Variants in VEZT observed in about 807,000 individuals in gnomAD.
VEZT encodes vezatin, adherens junctions transmembrane protein.
In VEZT, 39 loss-of-function variants were observed where a neutral mutation model predicts 79.9. The ratio of observed to expected loss-of-function variants is 0.49; its 90% CI spans 0.38 to 0.64. VEZT has a LOEUF of 0.64. VEZT is among the 30% of genes least tolerant of loss of function. The probability of loss-of-function intolerance (pLI) is 0.00; values close to 1 mark genes in which losing one functional copy is unlikely to be tolerated. For synonymous variants in VEZT, 325 were observed against 327.6 expected (o/e 0.99, Z 0.09); for missense variants, 837 against 893.1 (o/e 0.94, Z 0.80).
At chr12:95,260,643 A>G (rs1284725956) in intron 3 of VEZT, among the ~76,000 whole-genome samples, 1 of 152,192 alleles carries the variant, frequency 6.6e-6, no homozygotes, top group Non-Finnish European at 1.5e-5. Context: ...GGCTTCTTCA[A>G]ACTTACCTTA....
intron 8 of VEZT, among the ~76,000 whole-genome samples, chr12:95,285,392 C>T (rs1310679494): frequency 2.0e-5 from 3 of 151,744 alleles, no homozygotes; most frequent in Non-Finnish European, 4.4e-5. Context: ...TGCAGTGAGC[C>T]GAAATCACAC....
chr12:95,280,479 TACAC>T (rs34219058), intron 7 of VEZT, among the ~76,000 whole-genome samples: 84 of 117,854 alleles, frequency 7.1e-4, no homozygotes, highest in South Asian at 9.4e-4. Context: ...TACACACACA[TACAC>T]ACACACACAC....
At chr12:95,277,772 A>G (rs556356237) in intron 7 of VEZT, among the ~76,000 whole-genome samples, 11 of 152,376 alleles carry the variant, frequency 7.2e-5, no homozygotes, top group African/African-American at 2.6e-4. Context: ...AAATGAGAAG[A>G]CATATTAAAT....
chr12:95,268,221 C>T (rs991017595), intron 5 of VEZT, among the ~76,000 whole-genome samples: 3 of 152,122 alleles, frequency 2.0e-5, no homozygotes, highest in African/African-American at 2.4e-5. Context: ...TCCGGCCGGG[C>T]ACGGTGGCCC....
chr12:95,282,417 A>G lies in VEZT; in HGVS notation c.1101A>G (p.Ala367=), dbSNP rs1417412213. ...NSPPGPLLTP[A]LLPHRILSDV... is the part of the protein sequence containing the mutation. ...CTCCTGGGCCCTTACTTACTCCAGC[A>G]CTTCTGCCTCATCGTATCTTATCTG... The change falls in exon 8 of 12, where the codon GCA becomes GCG. Residue 367 remains alanine, a synonymous_variant. Coordinates refer to ENST00000436874, the MANE Select transcript of VEZT (RefSeq NM_017599.4). The G allele has an allele frequency of 1.2e-6, 2 of 1,613,900 alleles. No individual in the cohort carries two copies. Among genetic ancestry groups the G allele is most frequent in the Non-Finnish European group, 1.7e-6 (2 of 1,179,882 alleles).
At chr12:95,269,848 A>C in intron 5 of VEZT, 1 of 473,682 alleles carries the variant, frequency 2.1e-6, no homozygotes, top group Admixed American at 4.0e-5. Context: ...GTGGTTGTCT[A>C]TATATACATA....
At position 95,300,372 on chromosome 12, in the gene VEZT, A is replaced by G. The variant is rs764599226; in HGVS notation, c.2039A>G (p.Glu680Gly). ...AAAAATAAAGATAATTCTTCAAATG[A>G]AGTCTTCCCCCAAGGAGCAGAAGAA... ...EGKNKDNSSNEVFPQGAEERM... is the reference protein window; with the variant it reads ...EGKNKDNSSNGVFPQGAEERM... The change falls in exon 12 of 12, where the codon GAA becomes GGA. Residue 680 changes from glutamate (E) to glycine (G), a missense_variant. By Grantham distance (98) the Glu-to-Gly change is moderately conservative. Coordinates refer to ENST00000436874, the MANE Select transcript of VEZT (RefSeq NM_017599.4). 1 of 1,613,812 alleles carries G rather than the reference A, an allele frequency of 6.2e-7. No homozygotes were observed. The highest frequency in any genetic ancestry group is 1.7e-5 in the Admixed American group (1 of 59,978).
chr12:95,234,501 T>G (rs2059730352), intron 1 of VEZT, among the ~76,000 whole-genome samples: 1 of 151,848 alleles, frequency 6.6e-6, no homozygotes, highest in Non-Finnish European at 1.5e-5. Flanking sequence ...TCCATGGTGG[T>G]CAGGCTGGGT....
At chr12:95,253,518 G>A (rs758099712) in intron 2 of VEZT, among the ~76,000 whole-genome samples, 1 of 152,284 alleles carries the variant, frequency 6.6e-6, no homozygotes, top group East Asian at 1.9e-4. Context: ...GAAGTGGTTT[G>A]TATATAATAG....
intron 1 of VEZT, chr12:95,245,457 CAGA>C: frequency 2.2e-6 from 1 of 454,576 alleles, no homozygotes; most frequent in Non-Finnish European, 4.4e-6. Flanking sequence ...GTGGTTTTAT[CAGA>C]AGTATTACAA....
chr12:95,235,922 C>T (rs1359145156), intron 1 of VEZT, among the ~76,000 whole-genome samples: 2 of 151,796 alleles, frequency 1.3e-5, no homozygotes, highest in African/African-American at 4.8e-5. Context: ...AGAGACGCTC[C>T]TCACTTCCTA....
At position 95,217,831 on chromosome 12, in the gene VEZT, G is replaced by C; in HGVS notation, c.-20G>C. 1 of 1,545,224 alleles carries C rather than the reference G, an allele frequency of 6.5e-7. No homozygotes were observed. The highest frequency in any genetic ancestry group is 8.7e-7 in the Non-Finnish European group (1 of 1,150,860). On this transcript the variant is annotated 5_prime_UTR_variant, in exon 1 of 12. Transcript: ENST00000436874. ...CCTTCATTTCCCATCGTGCTGAGGC[G>C]GGTGGCATGGCGGAGAAGGATGACA...
At chr12:95,289,725 A>T (rs1239799884) in intron 9 of VEZT, among the ~76,000 whole-genome samples, 1 of 152,370 alleles carries the variant, frequency 6.6e-6, no homozygotes, top group Non-Finnish European at 1.5e-5. Flanking sequence ...GTTCATTTGA[A>T]TATTTTAAGA....
At chr12:95,220,076 C>T (rs2057339379) in intron 1 of VEZT, among the ~76,000 whole-genome samples, 1 of 152,100 alleles carries the variant, frequency 6.6e-6, no homozygotes, top group South Asian at 2.1e-4. Context: ...GTATAATTTA[C>T]ATAAGGACAG....
chr12:95,229,727 C>A (rs1179276159), intron 1 of VEZT, among the ~76,000 whole-genome samples: 1 of 152,116 alleles, frequency 6.6e-6, no homozygotes, highest in East Asian at 1.9e-4. Flanking sequence ...AGAAGCAAAT[C>A]ATGCCTTAAG....
At position 95,257,192 on chromosome 12, in the gene VEZT, A is replaced by G; in HGVS notation, c.211A>G (p.Ile71Val). ...AGTGGCTGAAACCATCAAAAGTTGGATTTTTTTTTCTCAGTGCAATAAGAA... is the reference window on the plus strand; with the variant it reads ...AGTGGCTGAAACCATCAAAAGTTGGGTTTTTTTTTCTCAGTGCAATAAGAA... ...LKVAETIKSW[I>V]FFSQCNKKDD... The change falls in exon 3 of 12, where the codon ATT (isoleucine) becomes GTT (valine). Residue 71 changes from isoleucine (I) to valine (V), a missense_variant. By Grantham distance (29) the Ile-to-Val change is conservative (BLOSUM62 3). Coordinates refer to ENST00000436874, the MANE Select transcript of VEZT (RefSeq NM_017599.4). The G allele has an allele frequency of 6.2e-7, 1 of 1,606,590 alleles. No homozygotes were observed. Among genetic ancestry groups the G allele is most frequent in the Non-Finnish European group, 8.5e-7 (1 of 1,175,660 alleles).
chr12:95,235,873 A>G lies in VEZT; in HGVS notation c.37-16067A>G, dbSNP rs1266423143. The stretch of plus-strand genomic sequence containing the variant: ...CACATCCCAGACGGGGTGGCAGGGC[A>G]GAGGCGCTCCCCACATCTCAGACGA... On this transcript the variant is annotated intron_variant, in intron 1 of 11. Coordinates refer to ENST00000436874, the MANE Select transcript of VEZT (RefSeq NM_017599.4). Among the ~76,000 whole-genome samples the G allele has an allele frequency of 2.0e-5, 3 of 148,758 alleles. No homozygotes were observed. The East Asian group carries it at 6.0e-4, about 30-fold the overall frequency.
chr12:95,250,286 T>A (rs1254439387), intron 1 of VEZT, among the ~76,000 whole-genome samples: 1 of 137,682 alleles, frequency 7.3e-6, no homozygotes, highest in Non-Finnish European at 1.6e-5. Flanking sequence ...TTTATTATTT[T>A]TTTTTTTAAT....
At position 95,262,859 on chromosome 12, in the gene VEZT, A is replaced by G. The variant is rs747231768; in HGVS notation, c.259-47A>G. On this transcript the variant is annotated intron_variant, in intron 3 of 11. Coordinates refer to ENST00000436874, the MANE Select transcript of VEZT (RefSeq NM_017599.4). ...CATTAGGAGCTTAGCGTTTAATGCA[A>G]TATTATATATGTGTTAATACCTCTC... The G allele has an allele frequency of 8.4e-6, 12 of 1,432,498 alleles. No homozygotes were observed. In the Admixed American group the frequency reaches 1.2e-4, roughly 14 times the overall value. 88.7% of individuals were successfully genotyped at this position (1,432,498 alleles called of 1,614,324 possible). A position where few individuals can be genotyped will look rare whatever the true frequency, so the allele number is the denominator to read the frequency against.
Sources: allele counts gnomAD v4.1 joint callset (sites outside exome capture counted in the v4.1 genomes callset), GRCh38; gene constraint gnomAD v4.1.1; transcripts MANE v1.5; gene names NCBI Gene and HGNC (gene_info 2026-07-23, HGNC 2026-07-21).